Variants in ASB11 observed in about 807,000 individuals in gnomAD.
The protein encoded by ASB11 is ankyrin repeat and SOCS box containing 11.
Under a neutral mutation model 20.1 loss-of-function variants are expected in ASB11, and 17 were observed. That is an observed-to-expected ratio of 0.85 (90% CI 0.58 to 1.27). ASB11 has a LOEUF of 1.27. ASB11 is among the 50% of genes most tolerant of loss of function. The probability of loss-of-function intolerance (pLI) is 0.00; values close to 1 mark genes in which losing one functional copy is unlikely to be tolerated. For synonymous variants in ASB11, 107 were observed against 105.6 expected (o/e 1.01, Z -0.08); for missense variants, 259 against 256.9 (o/e 1.01, Z -0.06).
Position 15,299,423 on chromosome X carries a change from G to A in ASB11, c.262-1742C>T, listed in dbSNP as rs185625585. Among the ~76,000 whole-genome samples, 14 of 112,266 alleles carry A rather than the reference G, an allele frequency of 1.2e-4. No individual in the cohort carries two copies. In the East Asian group the frequency reaches 3.6e-3, roughly 29 times the overall value. ...TTTTCTGATTGGCAATTGGTTGAAA[G>A]AGTTATTATCAATAGAAATGTCTGT... On this transcript the variant is annotated intron_variant, in intron 2 of 6. Transcript: ENST00000480796.
chrX:15,305,416 G>A (rs1030966522), intron 1 of ASB11, among the ~76,000 whole-genome samples: 5 of 111,502 alleles, frequency 4.5e-5, no homozygotes, highest in East Asian at 5.6e-4. Context: ...AAGGGATGAC[G>A]AAACGCGCTA....
intron 4 of ASB11, among the ~76,000 whole-genome samples, chrX:15,292,677 A>AT (rs1376629801): frequency 8.9e-6 from 1 of 112,399 alleles, no homozygotes; most frequent in Non-Finnish European, 1.9e-5. Context: ...GTAACTTATT[A>AT]TGAACGGTTA....
chrX:15,300,235 T>C (rs1165982343), intron 2 of ASB11, among the ~76,000 whole-genome samples: 1 of 112,074 alleles, frequency 8.9e-6, no homozygotes, highest in Non-Finnish European at 1.9e-5. Flanking sequence ...TGAAAGATCA[T>C]CTAGAGTGGA....
At chrX:15,302,916 G>T in intron 1 of ASB11, 109 bp from the exon 2 acceptor site, 1 of 662,346 alleles carries the variant, frequency 1.5e-6, no homozygotes. Context: ...GAGGGAAGAG[G>T]AGGGAAGCAG....
chrX:15,290,964 T>C, intron 4 of ASB11, among the ~76,000 whole-genome samples: 1 of 111,661 alleles, frequency 9.0e-6, no homozygotes, highest in Non-Finnish European at 1.9e-5. Context: ...TAATATCTAG[T>C]AAGTCCCTAA....
chrX:15,285,143 T>TC (rs1231035151), intron 6 of ASB11, among the ~76,000 whole-genome samples: 2 of 101,016 alleles, frequency 2.0e-5, no homozygotes, highest in African/African-American at 7.2e-5. Flanking sequence ...AATCTTTCTT[T>TC]TTTTTTTTTT....
At chrX:15,312,417 C>CAAAAAAAAAAAA (rs1231680554) in intron 1 of ASB11, among the ~76,000 whole-genome samples, 4 of 23,606 alleles carry the variant, frequency 1.7e-4, no homozygotes, top group African/African-American at 5.0e-4. Flanking sequence ...GCCCACTGCA[C>CAAAAAAAAAAAA]AAAAAAAAAA....
At chrX:15,287,813 T>G in intron 6 of ASB11, 68 bp downstream of exon 6, 2 of 1,100,496 alleles carry the variant, frequency 1.8e-6, no homozygotes, top group Non-Finnish European at 2.4e-6. Context: ...GAAAAAATGC[T>G]ACAGATGAGA....
At chrX:15,311,765 C>T (rs939503249) in intron 1 of ASB11, among the ~76,000 whole-genome samples, 3 of 110,713 alleles carry the variant, frequency 2.7e-5, no homozygotes, top group Non-Finnish European at 5.7e-5. Flanking sequence ...TTGATGCAAA[C>T]TTGTTTAGCA....
intron 3 of ASB11, among the ~76,000 whole-genome samples, chrX:15,296,113 G>C (rs1458715824): frequency 9.0e-6 from 1 of 111,633 alleles, no homozygotes; most frequent in Non-Finnish European, 1.9e-5. Flanking sequence ...GCTGGACGTG[G>C]TGGCGGGCAC....
intron 4 of ASB11, 49 bp downstream of exon 4, chrX:15,293,121 T>C (rs1331831329): frequency 4.2e-6 from 5 of 1,179,586 alleles, no homozygotes; most frequent in Non-Finnish European, 5.7e-6. Context: ...TTCATACAGA[T>C]TGGAGTGAGC....
Position 15,307,456 on chromosome X carries a change from G to A in ASB11, c.182-4649C>T, listed in dbSNP as rs910412272. 2.5e-4 allele frequency among the ~76,000 whole-genome samples: 28 copies of A among 112,396 alleles called. 1 individual carries two copies. The highest frequency in any genetic ancestry group is 9.1e-4 in the African/African-American group (28 of 30,891). On this transcript the variant is annotated intron_variant, in intron 1 of 6. Coordinates refer to ENST00000480796, the MANE Select transcript of ASB11 (RefSeq NM_080873.3). ...ATCAGGCATTAGATTCTCATAAAGAGAATGTAATCTAGGTCCCTTGCATGT... is the reference window on the plus strand; with the variant it reads ...ATCAGGCATTAGATTCTCATAAAGAAAATGTAATCTAGGTCCCTTGCATGT...
chrX:15,301,130 T>C lies in ASB11; in HGVS notation c.261+1598A>G, dbSNP rs769075043. On this transcript the variant is annotated intron_variant, in intron 2 of 6. Coordinates refer to ENST00000480796, the MANE Select transcript of ASB11 (RefSeq NM_080873.3). ...GGCGCCCACCACCACGCCTGGCTAA[T>C]TTTTGTACTTTTAGTACAGATGGGG... Among the ~76,000 whole-genome samples the C allele has an allele frequency of 3.9e-3, 433 of 110,775 alleles. 3 individuals carry two copies. Among genetic ancestry groups the C allele is most frequent in the African/African-American group, 0.014 (414 of 30,455 alleles).
chrX:15,308,036 A>G (rs1921300047), intron 1 of ASB11, among the ~76,000 whole-genome samples: 1 of 111,635 alleles, frequency 9.0e-6, no homozygotes, highest in African/African-American at 3.3e-5. Context: ...TGTTCTTCAC[A>G]TGCTTCCCAC....
At chrX:15,313,219 C>T (rs370659065) in intron 1 of ASB11, among the ~76,000 whole-genome samples, 5 of 110,442 alleles carry the variant, frequency 4.5e-5, no homozygotes, top group South Asian at 7.6e-4. Flanking sequence ...GCCAACATAG[C>T]GAAACCCCAT....
intron 2 of ASB11, among the ~76,000 whole-genome samples, chrX:15,299,700 G>A (rs1400089505): frequency 1.8e-5 from 2 of 111,133 alleles, no homozygotes; most frequent in Non-Finnish European, 3.8e-5. Flanking sequence ...TGGCTGAGAG[G>A]AGGGGTACAT....
At position 15,293,196 on chromosome X, in the gene ASB11, G is replaced by A. The variant is rs144572145; in HGVS notation, c.494C>T (p.Ser165Leu). The A allele has an allele frequency of 6.0e-4, 726 of 1,209,507 alleles. 1 individual carries two copies. Among genetic ancestry groups the A allele is most frequent in the Non-Finnish European group, 7.7e-4 (691 of 895,036 alleles). Residue 165 changes from serine to leucine, a missense_variant, in exon 4 of 7, where the codon TCG (serine) becomes TTG (leucine). Physicochemically the swap from Ser to Leu is moderately radical, Grantham distance 145 (BLOSUM62 -2). Transcript: ENST00000480796. Reference sequence around the variant, plus strand: ...TCTCTTCACTGCCTCATGGATGGGCGAGGCCAGGTGCACCTCCAACTGGGC... The same window carrying A: ...TCTCTTCACTGCCTCATGGATGGGCAAGGCCAGGTGCACCTCCAACTGGGC... ...AKAQLEVHLA[S>L]PIHEAVKRGH...
In ASB11 at chrX:15,288,055, C is replaced by T. The variant is rs1046473083; in HGVS notation, c.673G>A (p.Gly225Ser). The change falls in exon 6 of 7, where the codon GGC (glycine) becomes AGC (serine). Residue 225 changes from glycine to serine, a missense_variant. Physicochemically the swap from Gly to Ser is moderately conservative, Grantham distance 56. Transcript: ENST00000480796. ...LLELGASVDHGQWLDTPLHAA... is the reference protein window; with the variant it reads ...LLELGASVDHSQWLDTPLHAA... ...TGGAGTGGGGTGTCCAGCCACTGGC[C>T]ATGGTCGACACTGGCTCCTTAACAA... 8.3e-7 allele frequency: 1 copy of T among 1,208,056 alleles called. No individual in the cohort carries two copies. Among genetic ancestry groups the T allele is most frequent in the African/African-American group, 1.7e-5 (1 of 57,303 alleles).
intron 4 of ASB11, among the ~76,000 whole-genome samples, chrX:15,292,396 C>T (rs902886392): frequency 1.8e-5 from 2 of 112,233 alleles, no homozygotes; most frequent in East Asian, 5.5e-4. Context: ...AAGAGAACAA[C>T]TCCCTCACTT....
Sources: allele counts gnomAD v4.1 joint callset (sites outside exome capture counted in the v4.1 genomes callset), GRCh38; gene constraint gnomAD v4.1.1; transcripts MANE v1.5; gene names NCBI Gene and HGNC (gene_info 2026-07-23, HGNC 2026-07-21).